Variants in COPE observed in about 807,000 individuals in gnomAD.
COPE encodes the protein coat protein complex I subunit epsilon.
In COPE, 19 loss-of-function variants were observed where a neutral mutation model predicts 42.1. That is an observed-to-expected ratio of 0.45 (90% CI 0.31 to 0.66). The LOEUF is 0.66. Ranked by LOEUF, COPE falls within the 30% of genes least tolerant of loss-of-function variation. The pLI is 0.05. For synonymous variants in COPE, 195 were observed against 181.3 expected (o/e 1.08, Z -0.60); for missense variants, 402 against 416.1 (o/e 0.97, Z 0.30).
intron 7 of COPE, among the ~76,000 whole-genome samples, chr19:18,901,320 A>C (rs1436572651): frequency 4.6e-5 from 7 of 152,278 alleles, no homozygotes; most frequent in African/African-American, 1.7e-4. Flanking sequence ...GCGGCCATGA[A>C]CACAACATGC....
At chr19:18,908,678 G>A (rs1054083074) in intron 3 of COPE, among the ~76,000 whole-genome samples, 10 of 149,436 alleles carry the variant, frequency 6.7e-5, no homozygotes, top group African/African-American at 2.2e-4. Flanking sequence ...CACCATGCCC[G>A]GCTAATTTTT....
At position 18,913,032 on chromosome 19, in the gene COPE, C is replaced by G. The variant is rs752689594; in HGVS notation, c.141G>C (p.Glu47Asp). Residue 47 changes from glutamate (E) to aspartate (D), a missense_variant, in exon 2 of 10, where the codon GAG (glutamate) becomes GAC (aspartate). Physicochemically the swap from Glu to Asp is conservative, Grantham distance 45. Transcript: ENST00000262812. ...GGAAGACGTCCCTCTCCACGTCTCT[C>G]TCTGGGCTTGATAGCTGTGGGAACC... ...EAQRVKLSSP[E>D]RDVERDVFLY... 7.4e-6 allele frequency: 12 copies of G among 1,611,756 alleles called. No homozygotes were observed. Among genetic ancestry groups the G allele is most frequent in the Non-Finnish European group, 8.5e-6 (10 of 1,179,902 alleles).
chr19:18,919,204 C>T lies in COPE; in HGVS notation c.126+19G>A. On this transcript the variant is annotated intron_variant, in intron 1 of 9. Transcript: ENST00000262812. ...TCCGCCTCCGCCCCCAGCGTCCCCG[C>T]GCCCCTGCGCGGCCGCACCTTCACC... 6.3e-7 allele frequency: 1 copy of T among 1,599,580 alleles called. No individual in the cohort carries two copies. Among genetic ancestry groups the T allele is most frequent in the Admixed American group, 1.7e-5 (1 of 58,632 alleles).
intron 1 of COPE, among the ~76,000 whole-genome samples, chr19:18,917,876 G>A (rs1181592623): frequency 6.6e-6 from 1 of 151,922 alleles, no homozygotes. Context: ...AGAGTAGGGG[G>A]GTATGCCTGC....
chr19:18,908,171 C>T (rs1223593002), intron 3 of COPE, among the ~76,000 whole-genome samples: 2 of 152,170 alleles, frequency 1.3e-5, no homozygotes, highest in African/African-American at 4.8e-5. Flanking sequence ...GTGGCTCACA[C>T]CTGTAACCCC....
At chr19:18,914,666 A>G (rs1257708152) in intron 1 of COPE, among the ~76,000 whole-genome samples, 1 of 151,810 alleles carries the variant, frequency 6.6e-6, no homozygotes, top group Non-Finnish European at 1.5e-5. Context: ...TCACACCTGT[A>G]AACCCAGTGC....
intron 1 of COPE, among the ~76,000 whole-genome samples, chr19:18,913,959 C>T (rs1292521757): frequency 2.0e-5 from 3 of 152,138 alleles, no homozygotes; most frequent in Admixed American, 6.6e-5. Flanking sequence ...TTCCTTCTCC[C>T]CAGCCTGAGG....
intron 6 of COPE, among the ~76,000 whole-genome samples, chr19:18,904,157 G>A (rs959197159): frequency 6.6e-6 from 1 of 152,242 alleles, no homozygotes; most frequent in Non-Finnish European, 1.5e-5. Flanking sequence ...TAAAGATGGG[G>A]TTTCTCCATG....
chr19:18,907,176 C>T (rs1214824719), intron 3 of COPE, 64 bp from the exon 4 acceptor site: 1 of 1,554,316 alleles, frequency 6.4e-7, no homozygotes, highest in Non-Finnish European at 8.7e-7. Flanking sequence ...CAGAGGGTCC[C>T]CTTCCTTGGA....
intron 3 of COPE, chr19:18,910,697 T>C: frequency 7.9e-6 from 4 of 505,728 alleles, no homozygotes; most frequent in Non-Finnish European, 1.4e-5. Flanking sequence ...TTTTCAGTTC[T>C]AGGTTCAGAG....
rs549250752 is a variant in COPE at position 18,909,119 on chromosome 19, G to A, written c.290+1852C>T. Among the ~76,000 whole-genome samples, 14 of 152,360 alleles carry A rather than the reference G, an allele frequency of 9.2e-5. No individual in the cohort carries two copies. The South Asian group carries it at 2.5e-3, about 27-fold the overall frequency. ...CGGACCACAAGCCCCTGCCTGGACC[G>A]CCTGCTCTCCGGGGCTGCTTTTCTG... On this transcript the variant is annotated intron_variant, in intron 3 of 9. Coordinates refer to ENST00000262812, the MANE Select transcript of COPE (RefSeq NM_007263.4).
chr19:18,906,904 T>C, intron 4 of COPE, 56 bp downstream of exon 4: 1 of 1,508,864 alleles, frequency 6.6e-7, no homozygotes, highest in Non-Finnish European at 8.9e-7. Flanking sequence ...AGCCTGGAGA[T>C]GTGGCAGGGG....
chr19:18,912,117 G>T (rs953728058), intron 2 of COPE, among the ~76,000 whole-genome samples: 3 of 152,098 alleles, frequency 2.0e-5, no homozygotes, highest in Admixed American at 1.3e-4. Context: ...AAAGTGCTGG[G>T]ATTACAGGCG....
intron 6 of COPE, among the ~76,000 whole-genome samples, chr19:18,904,515 C>T (rs1336427423): frequency 6.6e-6 from 1 of 152,382 alleles, no homozygotes; most frequent in Non-Finnish European, 1.5e-5. Context: ...CCCAGACCCT[C>T]GAGTACCCCT....
In COPE at chr19:18,905,676, T is replaced by C. The variant is rs771864879; in HGVS notation, c.444-47A>G. On this transcript the variant is annotated intron_variant, in intron 4 of 9. Coordinates refer to ENST00000262812, the MANE Select transcript of COPE (RefSeq NM_007263.4). The stretch of plus-strand genomic sequence containing the variant: ...CGGTCAGCGGGTCGCCACAGACACA[T>C]TGCATGGCCGCTCCACACCCAGGGC... 12 of 1,557,946 alleles carry C rather than the reference T, an allele frequency of 7.7e-6. No individual in the cohort carries two copies. In the East Asian group the frequency reaches 1.6e-4, roughly 21 times the overall value.
At chr19:18,917,723 G>A (rs905334767) in intron 1 of COPE, among the ~76,000 whole-genome samples, 17 of 152,234 alleles carry the variant, frequency 1.1e-4, no homozygotes, top group Non-Finnish European at 2.2e-4. Context: ...CAGAAAGACA[G>A]CTCGGACAGA....
intron 6 of COPE, among the ~76,000 whole-genome samples, chr19:18,904,192 C>T (rs1202479497): frequency 6.6e-6 from 1 of 152,184 alleles, no homozygotes; most frequent in African/African-American, 2.4e-5. Context: ...CTAGAACTCC[C>T]AACCTCACAT....
In COPE at chr19:18,903,334, C is replaced by T. The variant is rs764915274; in HGVS notation, c.669G>A (p.Ala223=). 1.1e-4 allele frequency: 180 copies of T among 1,612,492 alleles called. No individual in the cohort carries two copies. The highest frequency in any genetic ancestry group is 1.5e-4 in the South Asian group (14 of 90,942). ...AGCGGCCCTGGGCCATGTGGCAGGC[C>T]GCCTGCCCATTGAGCAGCAGCAGGG... is the stretch of plus-strand genomic sequence containing the variant. ...SPTLLLLNGQ[A]ACHMAQGRWE... The change falls in exon 7 of 10, where the codon GCG becomes GCA. Residue 223 remains alanine, a synonymous_variant. Transcript: ENST00000262812.
chr19:18,900,472 G>A, intron 7 of COPE, 23 bp from the exon 8 acceptor site: 6 of 1,541,586 alleles, frequency 3.9e-6, no homozygotes, highest in Non-Finnish European at 5.3e-6. Context: ...GCAGACACGG[G>A]GAGGCAGGGT....
Sources: gnomAD v4.1 joint callset for allele counts (sites outside exome capture counted in the v4.1 genomes callset) on GRCh38, gnomAD v4.1.1 for gene constraint, MANE v1.5 for transcripts, NCBI Gene and HGNC (gene_info 2026-07-23, HGNC 2026-07-21) for gene names.